SHC3: variants seen among roughly 807,000 people sequenced by gnomAD.
SHC3 encodes the protein SHC-transforming protein 3.
SHC3 carries 15 observed loss-of-function variants against 60.4 expected under a neutral mutation model. The ratio of observed to expected loss-of-function variants is 0.25; its 90% confidence interval spans 0.17 to 0.38. The LOEUF is 0.38. Ranked by LOEUF, SHC3 falls within the 10% of genes least tolerant of loss-of-function variation. The pLI, the probability that SHC3 is intolerant of heterozygous loss-of-function variation, is 1.00. For missense variants in SHC3, 677 were observed against 786.1 expected (o/e 0.86, Z 1.66); for synonymous variants, 294 against 325.9 (o/e 0.90, Z 1.05).
At chr9:89,065,823 A>C (rs1479080325) in intron 5 of SHC3, among the ~76,000 whole-genome samples, 1 of 152,098 alleles carries the variant, frequency 6.6e-6, no homozygotes, top group African/African-American at 2.4e-5. Flanking sequence ...GAGGTCCTGT[A>C]CTTCTAACCA....
intron 2 of SHC3, among the ~76,000 whole-genome samples, chr9:89,088,390 T>C (rs776968784): frequency 2.5e-4 from 38 of 152,198 alleles, no homozygotes; most frequent in Non-Finnish European, 3.5e-4. Flanking sequence ...CTAAAATGTA[T>C]AAAATCAAGC....
intron 7 of SHC3, among the ~76,000 whole-genome samples, chr9:89,047,765 A>G (rs1824797563): frequency 6.6e-6 from 1 of 152,224 alleles, no homozygotes; most frequent in Non-Finnish European, 1.5e-5. Context: ...GAACGTGGGG[A>G]TATTAGAACC....
intron 5 of SHC3, among the ~76,000 whole-genome samples, chr9:89,065,987 C>G (rs1330746783): frequency 1.3e-5 from 2 of 152,104 alleles, no homozygotes; most frequent in Non-Finnish European, 2.9e-5. Flanking sequence ...GCAGATAATC[C>G]CATTTAATTG....
chr9:89,033,023 C>A (rs1046467938), intron 11 of SHC3, among the ~76,000 whole-genome samples: 1 of 145,420 alleles, frequency 6.9e-6, no homozygotes, highest in African/African-American at 2.5e-5. Context: ...AAAAGCCCCC[C>A]CACCGAAGAA....
chr9:89,045,905 A>G, intron 8 of SHC3, 72 bp from the exon 9 acceptor site: 2 of 1,490,010 alleles, frequency 1.3e-6, no homozygotes, highest in Non-Finnish European at 1.9e-6. Flanking sequence ...GAAAGCCACA[A>G]GACAGTCGGC....
chr9:89,119,745 C>T (rs1238831306), intron 1 of SHC3, among the ~76,000 whole-genome samples: 1 of 152,196 alleles, frequency 6.6e-6, no homozygotes, highest in Admixed American at 6.5e-5. Context: ...TAAGTTCCAA[C>T]AGCACTTTTC....
Position 89,013,014 on chromosome 9 carries a change from A to G in SHC3, c.*433T>C, listed in dbSNP as rs1269696887. 1 of 152,130 alleles carries G rather than the reference A, an allele frequency of 6.6e-6. No homozygotes were observed. The highest frequency in any genetic ancestry group is 1.5e-5 in the Non-Finnish European group (1 of 68,176). The allele number at this position is 152,130 out of a possible 1,614,324, so 9.4% of individuals were successfully genotyped here. A position where few individuals can be genotyped will look rare whatever the true frequency, so the allele number is the denominator to read the frequency against. On this transcript the variant is annotated 3_prime_UTR_variant, in exon 12 of 12. Transcript: ENST00000375835. ...CAGCATGCCTTGCGATTCCCTCACA[A>G]TTCTGTGTTTCTATTCCCCTCCAGT... is the stretch of plus-strand genomic sequence containing the variant.
At chr9:89,083,513 G>A (rs745780137) in intron 2 of SHC3, among the ~76,000 whole-genome samples, 1 of 152,166 alleles carries the variant, frequency 6.6e-6, no homozygotes, top group East Asian at 1.9e-4. Flanking sequence ...AGCAACCAAC[G>A]CCTTTTTACT....
intron 11 of SHC3, among the ~76,000 whole-genome samples, chr9:89,022,534 G>T (rs190436742): frequency 6.6e-6 from 1 of 152,302 alleles, no homozygotes; most frequent in African/African-American, 2.4e-5. Context: ...TAGAGAGCAT[G>T]CGCACTTTAA....
At chr9:89,035,830 A>AAAATATATATATAT (rs1432811585) in intron 11 of SHC3, among the ~76,000 whole-genome samples, 1 of 106,438 alleles carries the variant, frequency 9.4e-6, no homozygotes, top group Non-Finnish European at 1.9e-5. Context: ...AAACAAACAA[A>AAAATATATATATAT]ATATATATAT....
chr9:89,092,196 G>C (rs1006237820), intron 2 of SHC3, among the ~76,000 whole-genome samples: 53 of 152,244 alleles, frequency 3.5e-4, no homozygotes, highest in African/African-American at 1.1e-3. Flanking sequence ...ACCTGTTGGA[G>C]TGTGGTTCAG....
chr9:89,104,943 C>T (rs781001735), intron 2 of SHC3, among the ~76,000 whole-genome samples: 9 of 152,174 alleles, frequency 5.9e-5, no homozygotes, highest in East Asian at 1.9e-4. Flanking sequence ...AAAGGAGGGA[C>T]GTCGCCATGC....
chr9:89,146,357 C>CA (rs1169947107), intron 1 of SHC3, among the ~76,000 whole-genome samples: 1 of 145,800 alleles, frequency 6.9e-6, no homozygotes, highest in African/African-American at 2.6e-5. Flanking sequence ...ACTTTGTCTC[C>CA]AAAAACAAAA....
chr9:89,154,492 G>T (rs1347115199), intron 1 of SHC3, among the ~76,000 whole-genome samples: 1 of 152,162 alleles, frequency 6.6e-6, no homozygotes, highest in African/African-American at 2.4e-5. Context: ...TGTGAAAAGT[G>T]GTGCCCACCC....
At position 89,045,946 on chromosome 9, in the gene SHC3, T is replaced by C. The variant is rs1271871220; in HGVS notation, c.1114-113A>G. 3 of 945,382 alleles carry C rather than the reference T, an allele frequency of 3.2e-6. No individual in the cohort carries two copies. In the African/African-American group the frequency reaches 4.9e-5, roughly 16 times the overall value. The allele number at this position is 945,382 out of a possible 1,614,324, so 58.6% of individuals were successfully genotyped here. On this transcript the variant is annotated intron_variant, in intron 8 of 11. Transcript: ENST00000375835. ...GATCCTTAAGGTGGTTCGCATCCTC[T>C]GTTACACCCAATTTTCCCTTCATGC...
At chr9:89,149,146 C>A (rs79575209) in intron 1 of SHC3, among the ~76,000 whole-genome samples, 3,336 of 152,232 alleles carry the variant, frequency 0.022, 59 homozygotes, top group Non-Finnish European at 0.035. Flanking sequence ...ATGCTGCATT[C>A]TAAACAATGA....
Position 89,163,412 on chromosome 9 carries a change from C to T in SHC3, c.474+14575G>A, listed in dbSNP as rs1251551144. The stretch of plus-strand genomic sequence containing the variant: ...ATATACACCATGGAATACTATGAAG[C>T]CATAAAAAATGATGAGTTCATGTCC... On this transcript the variant is annotated intron_variant, in intron 1 of 11. Transcript: ENST00000375835. Among the ~76,000 whole-genome samples the T allele has an allele frequency of 1.3e-4, 19 of 151,656 alleles. 1 individual carries two copies. The South Asian group carries it at 4.0e-3, about 32-fold the overall frequency.
chr9:89,157,265 G>T (rs13292645), intron 1 of SHC3, among the ~76,000 whole-genome samples: 1 of 152,054 alleles, frequency 6.6e-6, no homozygotes, highest in Non-Finnish European at 1.5e-5. Flanking sequence ...ATAACCACAG[G>T]GTCGTTATAA....
rs577648264 is a variant in SHC3, at chr9:89,126,777, G to T, written c.475-14151C>A. On this transcript the variant is annotated intron_variant, in intron 1 of 11. Transcript: ENST00000375835. ...TTTTGATTCATTGGAAAAAGGATTT[G>T]CAAGGCTAGTGTTAAGCTGTCATGA... 9.9e-4 allele frequency among the ~76,000 whole-genome samples: 151 copies of T among 152,242 alleles called. 1 individual carries two copies. Among genetic ancestry groups the T allele is most frequent in the African/African-American group, 3.1e-3 (128 of 41,540 alleles).
Sources: allele counts gnomAD v4.1 joint callset (sites outside exome capture counted in the v4.1 genomes callset), GRCh38; gene constraint gnomAD v4.1.1; transcripts MANE v1.5; gene names NCBI Gene and HGNC (gene_info 2026-07-23, HGNC 2026-07-21).